The following MACF1 variants were observed in gnomAD, a reference collection of about 807,000 sequenced individuals.
MACF1 encodes the protein microtubule actin crosslinking factor 1.
A neutral mutation model predicts 854.8 loss-of-function variants in MACF1; 193 were observed. The ratio of observed to expected loss-of-function variants is 0.23; its 90% CI spans 0.20 to 0.25. MACF1 has a LOEUF of 0.25. MACF1 is among the 10% of genes least tolerant of loss of function. MACF1 has a pLI of 1.00. For missense variants in MACF1, 7,722 were observed against 8,929.1 expected, an observed-to-expected ratio of 0.86 and a Z score of 5.45; for synonymous variants, 3,185 against 3,226.7, an observed-to-expected ratio of 0.99 and a Z score of 0.44.
chr1:39,303,894 GA>G (rs555954615), intron 23 of MACF1, among the ~76,000 whole-genome samples: 111 of 151,206 alleles, frequency 7.3e-4, no homozygotes, highest in African/African-American at 2.4e-3. Flanking sequence ...AAAAAAGGTT[GA>G]TTTTTTTCTG....
At chr1:39,117,116 T>TAA in intron 2 of MACF1, among the ~76,000 whole-genome samples, 1 of 152,320 alleles carries the variant, frequency 6.6e-6, no homozygotes, top group Non-Finnish European at 1.5e-5. Flanking sequence ...CCTACCTGCT[T>TAA]TACCTTAACA....
intron 2 of MACF1, among the ~76,000 whole-genome samples, chr1:39,181,658 C>A (rs76345787): frequency 0.015 from 2,334 of 152,192 alleles, 35 homozygotes; most frequent in Non-Finnish European, 0.021. Flanking sequence ...TGAAAACTTA[C>A]TACAAAGCTA....
At chr1:39,114,370 C>T (rs1446940117) in intron 2 of MACF1, among the ~76,000 whole-genome samples, 2 of 152,116 alleles carry the variant, frequency 1.3e-5, no homozygotes, top group African/African-American at 2.4e-5. Context: ...CCCCTTTGAC[C>T]CTTCTCTCAA....
intron 97 of MACF1, among the ~76,000 whole-genome samples, chr1:39,473,368 A>G (rs1644813659): frequency 6.6e-6 from 1 of 152,224 alleles, no homozygotes; most frequent in African/African-American, 2.4e-5. Flanking sequence ...TGCTGTTAAC[A>G]TGGGATAATC....
At position 39,333,734 on chromosome 1, in the gene MACF1, C is replaced by T. The variant is rs778325957; in HGVS notation, c.7146C>T (p.Cys2382=). 1.2e-6 allele frequency: 2 copies of T among 1,614,170 alleles called. No individual in the cohort carries two copies. The highest frequency in any genetic ancestry group is 1.7e-6 in the Non-Finnish European group (2 of 1,180,026). The part of the protein sequence containing the change: ...GVLDPRTQTL[C]SVKDAVTVGL... Reference sequence around the variant, plus strand: ...TAGACCCCCGTACCCAGACACTGTGCTCTGTAAAGGATGCAGTTACAGTTG... The same window carrying T: ...TAGACCCCCGTACCCAGACACTGTGTTCTGTAAAGGATGCAGTTACAGTTG... The change falls in exon 37 of 101, where the codon TGC becomes TGT. Residue 2382 remains cysteine, a synonymous_variant. Transcript: ENST00000564288.
intron 2 of MACF1, among the ~76,000 whole-genome samples, chr1:39,159,143 G>A (rs797000979): frequency 6.6e-6 from 1 of 152,150 alleles, no homozygotes; most frequent in African/African-American, 2.4e-5. Flanking sequence ...TTTTTTATGC[G>A]TTTAGGCAAT....
At chr1:39,143,513 A>G (rs1643393278) in intron 2 of MACF1, among the ~76,000 whole-genome samples, 1 of 152,152 alleles carries the variant, frequency 6.6e-6, no homozygotes, top group Non-Finnish European at 1.5e-5. Context: ...CAAGGATTAG[A>G]TTCAGTCTTT....
chr1:39,187,977 T>C (rs139061637), intron 2 of MACF1, among the ~76,000 whole-genome samples: 22 of 118,398 alleles, frequency 1.9e-4, no homozygotes, highest in African/African-American at 3.8e-4. Flanking sequence ...TCTCCCCTCC[T>C]CTCCCCTCCC....
chr1:39,232,761 T>TG (rs1432770119), intron 2 of MACF1, among the ~76,000 whole-genome samples: 250 of 139,838 alleles, frequency 1.8e-3, no homozygotes, highest in African/African-American at 6.0e-3. Flanking sequence ...TTTTTTTTTT[T>TG]TTTTTTTGTT....
intron 58 of MACF1, among the ~76,000 whole-genome samples, chr1:39,404,044 G>A (rs983908686): frequency 2.6e-5 from 4 of 151,352 alleles, no homozygotes; most frequent in East Asian, 1.9e-4. Flanking sequence ...CAGGAGAATC[G>A]CTTGAACTTG....
chr1:39,213,149 A>G (rs935539853), intron 1 of MACF1, among the ~76,000 whole-genome samples: 8 of 152,206 alleles, frequency 5.3e-5, no homozygotes, highest in Admixed American at 2.0e-4. Context: ...GGAAATGATA[A>G]TATCTTTCTT....
In MACF1 at chr1:39,478,752, A is replaced by G. The variant is rs559140579; in HGVS notation, c.21959-1046A>G. ...AAATTTCCTGCCACCTTCTAGATTT[A>G]TGGTTTCTGACCAGTTAAACATCTG... is the stretch of plus-strand genomic sequence containing the variant. On this transcript the variant is annotated intron_variant, in intron 97 of 100. Transcript: ENST00000564288. Among the ~76,000 whole-genome samples the G allele has an allele frequency of 3.3e-5, 5 of 152,298 alleles. No individual in the cohort carries two copies. In the East Asian group the frequency reaches 9.6e-4, roughly 29 times the overall value.
At chr1:39,358,987 TG>T (rs1425531815) in intron 46 of MACF1, 114 bp downstream of exon 46, 2 of 1,432,404 alleles carry the variant, frequency 1.4e-6, no homozygotes, top group Non-Finnish European at 1.9e-6. Flanking sequence ...TGGGATGCCT[TG>T]GACAAGATCT....
chr1:39,224,321 A>AAG (rs1046155549), intron 1 of MACF1, among the ~76,000 whole-genome samples: 26 of 152,182 alleles, frequency 1.7e-4, no homozygotes, highest in African/African-American at 6.3e-4. Context: ...ATGAAAAGAA[A>AAG]AGAGGGCTAA....
chr1:39,177,217 C>T (rs1557499617), intron 2 of MACF1, among the ~76,000 whole-genome samples: 1 of 152,134 alleles, frequency 6.6e-6, no homozygotes, highest in Non-Finnish European at 1.5e-5. Flanking sequence ...TTCGCCACAA[C>T]CCCCGCCTCC....
chr1:39,268,886 C>T (rs1645268831), intron 6 of MACF1: 1 of 1,289,148 alleles, frequency 7.8e-7, no homozygotes, highest in Non-Finnish European at 1.0e-6. Flanking sequence ...AGACTGAAAC[C>T]CTAACGAAGT....
At chr1:39,268,428 C>G (rs895310621) in intron 6 of MACF1, 18 of 1,035,334 alleles carry the variant, frequency 1.7e-5, no homozygotes, top group Middle Eastern at 4.8e-4. Flanking sequence ...CGGTTTCTGT[C>G]TGCTTTTAGG....
intron 26 of MACF1, among the ~76,000 whole-genome samples, chr1:39,314,516 A>G (rs1040475637): frequency 3.3e-5 from 5 of 151,732 alleles, no homozygotes; most frequent in African/African-American, 1.2e-4. Flanking sequence ...ACAGATATAG[A>G]TCAATATATT....
In MACF1 at chr1:39,432,591, G is replaced by A. The variant is rs1222770670; in HGVS notation, c.17394G>A (p.Leu5798=). Residue 5798 remains leucine, a synonymous_variant, in exon 67 of 101, where the codon CTG becomes CTA. Coordinates refer to ENST00000564288, the MANE Select transcript of MACF1 (RefSeq NM_001394062.1). Reference sequence around the variant, plus strand: ...GGGTTGCTGAAACAAAACGGAAACTGATGGCTCTGGGTCCAATTCGCCTGG... The same window carrying A: ...GGGTTGCTGAAACAAAACGGAAACTAATGGCTCTGGGTCCAATTCGCCTGG... ...LAWVAETKRK[L]MALGPIRLEQ... The A allele has an allele frequency of 9.9e-6, 16 of 1,614,096 alleles. No individual in the cohort carries two copies. The highest frequency in any genetic ancestry group is 1.4e-5 in the Non-Finnish European group (16 of 1,179,982).
Sources: gnomAD v4.1 joint callset for allele counts (sites outside exome capture counted in the v4.1 genomes callset) on GRCh38, gnomAD v4.1.1 for gene constraint, MANE v1.5 for transcripts, NCBI Gene and HGNC (gene_info 2026-07-23, HGNC 2026-07-21) for gene names.